Variants in PLCB1 observed in about 807,000 individuals in gnomAD.
PLCB1 encodes the protein 1-phosphatidylinositol 4,5-bisphosphate phosphodiesterase beta-1.
PLCB1 carries 46 observed loss-of-function variants against 161.8 expected under a neutral mutation model. The observed-to-expected ratio is 0.28, with a 90% CI of 0.22 to 0.36. The LOEUF (loss-of-function observed/expected upper bound fraction) is 0.36. Ranked by LOEUF, PLCB1 falls within the 10% of genes least tolerant of loss-of-function variation. PLCB1 has a pLI of 1.00. For missense variants in PLCB1, 1,016 were observed against 1,472.5 expected (o/e 0.69, Z 5.07); for synonymous variants, 517 against 503.7 (o/e 1.03, Z -0.35).
intron 3 of PLCB1, among the ~76,000 whole-genome samples, chr20:8,621,524 G>T (rs1988184340): frequency 6.6e-6 from 1 of 152,124 alleles, no homozygotes; most frequent in Non-Finnish European, 1.5e-5. Flanking sequence ...TGACCATTTA[G>T]CTTCGACTCT....
chr20:8,732,700 T>C (rs1327234086), intron 18 of PLCB1, among the ~76,000 whole-genome samples: 2 of 143,880 alleles, frequency 1.4e-5, no homozygotes, highest in Non-Finnish European at 3.0e-5. Flanking sequence ...TAGAATGATA[T>C]ATTTAATATA....
At chr20:8,520,140 G>A (rs1293452789) in intron 3 of PLCB1, among the ~76,000 whole-genome samples, 1 of 152,160 alleles carries the variant, frequency 6.6e-6, no homozygotes, top group Non-Finnish European at 1.5e-5. Flanking sequence ...TTTGCCTGAA[G>A]AAAAACTGTT....
intron 4 of PLCB1, among the ~76,000 whole-genome samples, chr20:8,645,780 TTATC>T (rs1989152747): frequency 1.3e-5 from 2 of 152,086 alleles, no homozygotes; most frequent in Admixed American, 1.3e-4. Flanking sequence ...TAATGACTCT[TTATC>T]TGTTTATAAT....
At chr20:8,574,776 G>T (rs1241424337) in intron 3 of PLCB1, among the ~76,000 whole-genome samples, 3 of 152,208 alleles carry the variant, frequency 2.0e-5, no homozygotes, top group African/African-American at 7.2e-5. Flanking sequence ...TTGAGTCATT[G>T]GTTGATGGTT....
At chr20:8,176,171 T>C (rs2051781553) in intron 2 of PLCB1, among the ~76,000 whole-genome samples, 1 of 152,206 alleles carries the variant, frequency 6.6e-6, no homozygotes, top group Non-Finnish European at 1.5e-5. Flanking sequence ...TAAAAGTATG[T>C]TCACACAAAA....
Position 8,757,142 on chromosome 20 carries a change from C to T in PLCB1, c.2620C>T (p.Pro874Ser). 6.2e-7 allele frequency: 1 copy of T among 1,613,206 alleles called. No individual in the cohort carries two copies. Among genetic ancestry groups the T allele is most frequent in the South Asian group, 1.1e-5 (1 of 90,940 alleles). ...VNHTTTLTPKPPSQALHSQPA... is the reference protein window; with the variant it reads ...VNHTTTLTPKSPSQALHSQPA... The stretch of plus-strand genomic sequence containing the variant: ...TCACACTACAACCCTGACACCCAAG[C>T]CACCCTCCCAGGCTCTCCACAGCCA... Residue 874 changes from proline to serine, a missense_variant, in exon 24 of 32, where the codon CCA becomes TCA. Pro to Ser is a moderately conservative substitution (Grantham distance 74). This residue lies in a region of PLCB1 where 398 missense variants were observed against 445.4 expected (regional missense o/e 0.89). Coordinates refer to ENST00000338037, the MANE Select transcript of PLCB1 (RefSeq NM_015192.4).
In PLCB1 at chr20:8,326,483, G is replaced by C. The variant is rs574675664; in HGVS notation, c.178-44899G>C. 3.0e-4 allele frequency among the ~76,000 whole-genome samples: 46 copies of C among 152,110 alleles called. 1 individual carries two copies. Among genetic ancestry groups the C allele is most frequent in the Non-Finnish European group, 5.9e-5 (4 of 67,996 alleles). ...GGAATGATAGGTTATGATTTCCCTT[G>C]GCCTGTGATTTACCTAGTTTCATAA... On this transcript the variant is annotated intron_variant, in intron 2 of 31. Coordinates refer to ENST00000338037, the MANE Select transcript of PLCB1 (RefSeq NM_015192.4).
At chr20:8,530,730 G>A (rs1984781483) in intron 3 of PLCB1, among the ~76,000 whole-genome samples, 1 of 152,020 alleles carries the variant, frequency 6.6e-6, no homozygotes, top group African/African-American at 2.4e-5. Context: ...AATCACAAGA[G>A]TCTGATTTGT....
chr20:8,222,381 C>T lies in PLCB1; in HGVS notation c.177+72010C>T, dbSNP rs114230465. Among the ~76,000 whole-genome samples the T allele has an allele frequency of 4.5e-3, 678 of 152,208 alleles. 1 individual carries two copies. Among genetic ancestry groups the T allele is most frequent in the African/African-American group, 0.015 (619 of 41,546 alleles). The stretch of plus-strand genomic sequence containing the variant: ...TTCTAGATATAGAATTCTGGGGTAA[C>T]GTAGTTGTTTCAATACGTTTATGAT... On this transcript the variant is annotated intron_variant, in intron 2 of 31. Transcript: ENST00000338037.
intron 3 of PLCB1, among the ~76,000 whole-genome samples, chr20:8,571,691 G>A (rs1986524064): frequency 6.6e-6 from 1 of 152,138 alleles, no homozygotes; most frequent in Non-Finnish European, 1.5e-5. Context: ...GATGGAGAAA[G>A]TCATGGAATA....
intron 31 of PLCB1, among the ~76,000 whole-genome samples, chr20:8,801,678 A>G (rs1984287486): frequency 6.6e-6 from 1 of 152,236 alleles, no homozygotes. Flanking sequence ...CCTTAAGCCC[A>G]GACTCCTTGG....
chr20:8,690,081 C>A (rs980270240), intron 10 of PLCB1, among the ~76,000 whole-genome samples: 10 of 149,628 alleles, frequency 6.7e-5, no homozygotes, highest in African/African-American at 2.2e-4. Context: ...TTTTCAAATA[C>A]TCAGTTTTTA....
Position 8,733,266 on chromosome 20 carries a change from G to A in PLCB1, c.1917G>A (p.Met639Ile). 2 of 1,613,966 alleles carry A rather than the reference G, an allele frequency of 1.2e-6. No individual in the cohort carries two copies. The highest frequency in any genetic ancestry group is 2.2e-5 in the South Asian group (2 of 91,080). The change falls in exon 19 of 32, where the codon ATG becomes ATA. Residue 639 changes from methionine to isoleucine, a missense_variant. By Grantham distance (10) the Met-to-Ile change is conservative. This residue lies in a region of PLCB1 where 67 missense variants were observed against 195.6 expected (regional missense o/e 0.34). Coordinates refer to ENST00000338037, the MANE Select transcript of PLCB1 (RefSeq NM_015192.4). ...MDLAMQINMG[M>I]YEYNGKSGYR... ...TGGCTATGCAAATAAATATGGGGAT[G>A]TATGAATACAACGGGAAGAGTGGCT...
intron 23 of PLCB1, chr20:8,751,729 G>A (rs1463794733): frequency 6.6e-6 from 1 of 152,006 alleles, no homozygotes; most frequent in Non-Finnish European, 1.5e-5. Context: ...TAGTCAATGC[G>A]ACTGAAGTAC....
chr20:8,709,726 T>C (rs1398124564), intron 12 of PLCB1, among the ~76,000 whole-genome samples: 2 of 152,234 alleles, frequency 1.3e-5, no homozygotes, highest in African/African-American at 2.4e-5. Context: ...TTTATAATTA[T>C]CTGTATTTTT....
intron 10 of PLCB1, among the ~76,000 whole-genome samples, chr20:8,694,979 C>T (rs774480356): frequency 3.3e-5 from 5 of 152,170 alleles, no homozygotes; most frequent in Non-Finnish European, 7.3e-5. Context: ...CCACTGTCCC[C>T]TTGTCCCTAA....
chr20:8,342,792 C>T (rs1221899464), intron 2 of PLCB1, among the ~76,000 whole-genome samples: 1 of 152,194 alleles, frequency 6.6e-6, no homozygotes, highest in Non-Finnish European at 1.5e-5. Flanking sequence ...GGAAGTGTTA[C>T]ACTAATGACT....
chr20:8,590,609 C>T (rs898140902), intron 3 of PLCB1, among the ~76,000 whole-genome samples: 6 of 152,156 alleles, frequency 3.9e-5, no homozygotes, highest in Non-Finnish European at 8.8e-5. Flanking sequence ...CCAGCAGGTG[C>T]ATTTCTTCCT....
At chr20:8,539,919 C>T (rs966463491) in intron 3 of PLCB1, among the ~76,000 whole-genome samples, 3 of 152,000 alleles carry the variant, frequency 2.0e-5, no homozygotes, top group African/African-American at 7.3e-5. Context: ...AAGCATATGG[C>T]TTTCTATGTC....
Sources: allele counts gnomAD v4.1 joint callset (sites outside exome capture counted in the v4.1 genomes callset), GRCh38; gene constraint gnomAD v4.1.1; regional missense constraint gnomAD v4.1.1; transcripts MANE v1.5; gene names NCBI Gene and HGNC (gene_info 2026-07-23, HGNC 2026-07-21).